The following PTPRN2 variants were observed in gnomAD, a reference collection of about 807,000 sequenced individuals.
PTPRN2 encodes the protein receptor-type tyrosine-protein phosphatase N2.
PTPRN2 carries 74 observed loss-of-function variants against 118.8 expected under a neutral mutation model. That is an observed-to-expected ratio of 0.62 (90% CI 0.52 to 0.76). The LOEUF (loss-of-function observed/expected upper bound fraction) is 0.76, where lower values mean the gene tolerates loss of function less well. PTPRN2 is among the 30% of genes least tolerant of loss of function. The pLI is 0.00. For missense variants in PTPRN2, 1,481 were observed against 1,394.4 expected, an observed-to-expected ratio of 1.06 and a Z score of -0.99; for synonymous variants, 641 against 608.0, an observed-to-expected ratio of 1.05 and a Z score of -0.80.
intron 11 of PTPRN2, among the ~76,000 whole-genome samples, chr7:158,057,361 G>A (rs1809869071): frequency 6.6e-6 from 1 of 152,180 alleles, no homozygotes; most frequent in South Asian, 2.1e-4. Context: ...GGAAAAACAG[G>A]ATTTGAGATG....
chr7:158,432,391 C>T (rs1816282081), intron 2 of PTPRN2, among the ~76,000 whole-genome samples: 1 of 152,180 alleles, frequency 6.6e-6, no homozygotes, highest in Non-Finnish European at 1.5e-5. Flanking sequence ...GCTCAGATAG[C>T]GGATTTCAAA....
chr7:157,688,752 C>G (rs756569189), intron 12 of PTPRN2, among the ~76,000 whole-genome samples: 2 of 152,224 alleles, frequency 1.3e-5, no homozygotes, highest in Non-Finnish European at 2.9e-5. Flanking sequence ...TGTCAGAACC[C>G]CTCTGTGGCA....
chr7:157,601,896 C>T (rs559575179), intron 16 of PTPRN2, among the ~76,000 whole-genome samples: 14 of 152,314 alleles, frequency 9.2e-5, no homozygotes, highest in South Asian at 4.1e-4. Context: ...CGGACGGTTT[C>T]GTGTTGCCAA....
At chr7:158,523,527 C>T (rs1351280862) in intron 1 of PTPRN2, among the ~76,000 whole-genome samples, 2,117 of 80,558 alleles carry the variant, frequency 0.026, 220 homozygotes, top group African/African-American at 0.1. Context: ...TGCCCTGGAG[C>T]AGAGTCTGCC....
chr7:158,136,877 C>T (rs1818870789), intron 7 of PTPRN2, among the ~76,000 whole-genome samples, 182 bp from the exon 8 acceptor site: 1 of 152,224 alleles, frequency 6.6e-6, no homozygotes, highest in Admixed American at 6.5e-5. Context: ...ATTCTGTAAA[C>T]TTCGCGAGAG....
At chr7:158,077,259 GACAGCAGC>G (rs1316189779) in intron 11 of PTPRN2, among the ~76,000 whole-genome samples, 1 of 152,166 alleles carries the variant, frequency 6.6e-6, no homozygotes, top group African/African-American at 2.4e-5. Context: ...GTGAAACACA[GACAGCAGC>G]ACAGCAGACA....
intron 12 of PTPRN2, among the ~76,000 whole-genome samples, chr7:157,875,029 GCAGA>G (rs1795661764): frequency 6.7e-6 from 1 of 149,810 alleles, no homozygotes; most frequent in Non-Finnish European, 1.5e-5. Flanking sequence ...ACAGACACAC[GCAGA>G]CACACACACG....
At chr7:158,251,871 G>A (rs1796704157) in intron 3 of PTPRN2, among the ~76,000 whole-genome samples, 1 of 152,154 alleles carries the variant, frequency 6.6e-6, no homozygotes, top group South Asian at 2.1e-4. Flanking sequence ...TGCAAATCCT[G>A]AAACGCTGTA....
Position 158,413,097 on chromosome 7 carries a change from G to T in PTPRN2, c.163+76638C>A, listed in dbSNP as rs535211773. Reference sequence around the variant, plus strand: ...GTCTCAGCGCCCTCCTCAGCTCCAGGACCCATCCAGCACCCTCCTCAGCTC... The same window carrying T: ...GTCTCAGCGCCCTCCTCAGCTCCAGTACCCATCCAGCACCCTCCTCAGCTC... On this transcript the variant is annotated intron_variant, in intron 2 of 22. Coordinates refer to ENST00000389418, the MANE Select transcript of PTPRN2 (RefSeq NM_002847.5). 1.1e-3 allele frequency among the ~76,000 whole-genome samples: 165 copies of T among 150,908 alleles called. 1 individual carries two copies. Among genetic ancestry groups the T allele is most frequent in the African/African-American group, 3.7e-3 (152 of 40,590 alleles).
At chr7:158,445,490 G>A (rs1303816347) in intron 2 of PTPRN2, among the ~76,000 whole-genome samples, 3 of 152,316 alleles carry the variant, frequency 2.0e-5, no homozygotes, top group East Asian at 1.9e-4. Context: ...CAGAGCCTGA[G>A]CCGGACCAGT....
At chr7:158,232,586 C>T (rs766129660) in intron 3 of PTPRN2, among the ~76,000 whole-genome samples, 1 of 151,928 alleles carries the variant, frequency 6.6e-6, no homozygotes, top group African/African-American at 2.4e-5. Context: ...CCTCCAAACT[C>T]ATTCTATGAG....
chr7:157,818,873 C>T (rs1246162616), intron 12 of PTPRN2, among the ~76,000 whole-genome samples: 1 of 152,114 alleles, frequency 6.6e-6, no homozygotes. Context: ...GGCCCGCCCT[C>T]CTCCAGCAGC....
Position 158,269,272 on chromosome 7 carries a change from C to T in PTPRN2, c.277+47547G>A, listed in dbSNP as rs116171996. On this transcript the variant is annotated intron_variant, in intron 3 of 22. Transcript: ENST00000389418. ...CATCTATGGAAGGAGAACAAGGAGA[C>T]GGCCCTCACCTAGCAGTGTAACCCT... Among the ~76,000 whole-genome samples the T allele has an allele frequency of 9.9e-3, 1,513 of 152,300 alleles. 27 individuals are homozygous for T. The highest frequency in any genetic ancestry group is 0.033 in the African/African-American group (1,391 of 41,572).
At chr7:158,536,031 TCAAAA>T (rs553173890) in intron 1 of PTPRN2, among the ~76,000 whole-genome samples, 32 of 151,050 alleles carry the variant, frequency 2.1e-4, no homozygotes, top group African/African-American at 7.3e-4. Context: ...CACAAAACAC[TCAAAA>T]CAACCACACA....
intron 18 of PTPRN2, 137 bp downstream of exon 18, chr7:157,577,884 A>C: frequency 1.7e-6 from 2 of 1,166,612 alleles, no homozygotes; most frequent in South Asian, 2.3e-5. Flanking sequence ...CTCAGCCTCC[A>C]TCCCCTGAAC....
chr7:158,581,091 C>T (rs979058888), intron 1 of PTPRN2, among the ~76,000 whole-genome samples: 1 of 152,124 alleles, frequency 6.6e-6, no homozygotes, highest in Admixed American at 6.6e-5. Flanking sequence ...CCTGTAAGAA[C>T]GAGACAGACG....
In PTPRN2 at chr7:158,133,657, T is replaced by G. The variant is rs17847428; in HGVS notation, c.1556+20A>C. 0.3 allele frequency: 465,587 copies of G among 1,542,022 alleles called. 72,701 individuals carry two copies. The highest frequency in any genetic ancestry group is 0.42 in the South Asian group (34,061 of 81,068). ...AGCCCTCCCTCGGCACACAGGAGCTTAGCCAGGGCTGCTACTCACTCTCTG... is the reference window on the plus strand; with the variant it reads ...AGCCCTCCCTCGGCACACAGGAGCTGAGCCAGGGCTGCTACTCACTCTCTG... On this transcript the variant is annotated intron_variant, in intron 9 of 22. Transcript: ENST00000389418.
intron 5 of PTPRN2, among the ~76,000 whole-genome samples, chr7:158,185,122 T>A (rs1240277442): frequency 6.6e-6 from 1 of 152,252 alleles, no homozygotes; most frequent in Admixed American, 6.5e-5. Flanking sequence ...CTTTTTTATA[T>A]ATTGTTGAAT....
intron 12 of PTPRN2, among the ~76,000 whole-genome samples, chr7:157,844,687 G>A (rs918888377): frequency 1.3e-5 from 2 of 152,212 alleles, no homozygotes; most frequent in Non-Finnish European, 2.9e-5. Flanking sequence ...CTTCTAGTAC[G>A]AGAGGCTTGT....
Sources: gnomAD v4.1 joint callset for allele counts (sites outside exome capture counted in the v4.1 genomes callset) on GRCh38, gnomAD v4.1.1 for gene constraint, MANE v1.5 for transcripts, NCBI Gene and HGNC (gene_info 2026-07-23, HGNC 2026-07-21) for gene names.